CNTN1: variants seen among roughly 807,000 people sequenced by gnomAD.
CNTN1 encodes contactin 1, also known as contactin-1.
In CNTN1, 38 loss-of-function variants were observed where a neutral mutation model predicts 126.4. The ratio of observed to expected loss-of-function variants is 0.30; its 90% CI spans 0.23 to 0.39. CNTN1 has a LOEUF of 0.39. Ranked by LOEUF, CNTN1 falls within the 10% of genes least tolerant of loss-of-function variation. The probability of loss-of-function intolerance (pLI) is 1.00; values close to 1 mark genes in which losing one functional copy is unlikely to be tolerated. For missense variants in CNTN1, 1,009 were observed against 1,248.4 expected (o/e 0.81, Z 2.89); for synonymous variants, 413 against 422.6 (o/e 0.98, Z 0.28).
intron 1 of CNTN1, among the ~76,000 whole-genome samples, chr12:40,711,257 G>T (rs977864680): frequency 6.6e-6 from 1 of 151,786 alleles, no homozygotes; most frequent in Non-Finnish European, 1.5e-5. Context: ...CAAACTTTTG[G>T]GTTATGTTTC....
chr12:40,920,092 T>G (rs1230291257), intron 4 of CNTN1, among the ~76,000 whole-genome samples: 1 of 152,272 alleles, frequency 6.6e-6, no homozygotes, highest in African/African-American at 2.4e-5. Context: ...AGGTATGCAA[T>G]TTTTTCATTA....
intron 1 of CNTN1, among the ~76,000 whole-genome samples, chr12:40,881,944 T>C (rs1943883418): frequency 1.3e-5 from 2 of 151,836 alleles, no homozygotes; most frequent in Admixed American, 1.3e-4. Context: ...ATATGTTTAG[T>C]GATTTAATAT....
chr12:40,909,968 C>T, intron 2 of CNTN1, 105 bp from the exon 3 acceptor site: 1 of 831,754 alleles, frequency 1.2e-6, no homozygotes, highest in Non-Finnish European at 2.1e-6. Context: ...TAAAGGGCCA[C>T]TACTCTCATT....
intron 23 of CNTN1, among the ~76,000 whole-genome samples, chr12:41,068,679 T>C (rs774220611): frequency 4.7e-4 from 71 of 152,306 alleles, no homozygotes; most frequent in Non-Finnish European, 6.9e-4. Flanking sequence ...GAATGAGCTG[T>C]TTATGGTCAC....
At position 40,881,699 on chromosome 12, in the gene CNTN1, A is replaced by G. The variant is rs113063614; in HGVS notation, c.-76-26658A>G. ...GCTTTGCAGCTATTAGTTCAGTAAC[A>G]TTACATATAAAAGACTACCACACCC... On this transcript the variant is annotated intron_variant, in intron 1 of 23. Transcript: ENST00000551295. Among the ~76,000 whole-genome samples, 1,046 of 152,016 alleles carry G rather than the reference A, an allele frequency of 6.9e-3. 8 individuals carry two copies. Among genetic ancestry groups the G allele is most frequent in the African/African-American group, 0.02 (847 of 41,564 alleles).
chr12:40,961,987 T>G (rs959704536), intron 15 of CNTN1, among the ~76,000 whole-genome samples: 1 of 152,230 alleles, frequency 6.6e-6, no homozygotes, highest in East Asian at 1.9e-4. Flanking sequence ...ATTGGTAATC[T>G]GAACTGCAGC....
chr12:41,040,935 GAACTTCC>G (rs1400646612), intron 23 of CNTN1, among the ~76,000 whole-genome samples: 13 of 143,814 alleles, frequency 9.0e-5, no homozygotes, highest in Admixed American at 2.8e-4. Flanking sequence ...GCCCTGGCCA[GAACTTCC>G]AACACTATGT....
In CNTN1 at chr12:40,812,421, A is replaced by G. The variant is rs541155492; in HGVS notation, c.-76-95936A>G. 1.1e-4 allele frequency among the ~76,000 whole-genome samples: 17 copies of G among 152,174 alleles called. No individual in the cohort carries two copies. In the South Asian group the frequency reaches 3.5e-3, roughly 32 times the overall value. On this transcript the variant is annotated intron_variant, in intron 1 of 23. Coordinates refer to ENST00000551295, the MANE Select transcript of CNTN1 (RefSeq NM_001843.4). ...TGTCTATAGGTTATTTAAGAAACCT[A>G]TAGACAATGTTTCTGTTTATGTCTG... is the stretch of plus-strand genomic sequence containing the variant.
intron 1 of CNTN1, among the ~76,000 whole-genome samples, chr12:40,855,473 T>G (rs552607910): frequency 6.6e-6 from 1 of 152,100 alleles, no homozygotes; most frequent in Non-Finnish European, 1.5e-5. Context: ...ATTTTCATTC[T>G]CATGGATTTC....
At chr12:40,929,128 G>A (rs1945794290) in intron 6 of CNTN1, among the ~76,000 whole-genome samples, 1 of 151,948 alleles carries the variant, frequency 6.6e-6, no homozygotes, top group Non-Finnish European at 1.5e-5. Context: ...TATAGGAAAT[G>A]CAGCAAATTA....
intron 22 of CNTN1, 104 bp downstream of exon 22, chr12:41,028,073 C>T: frequency 1.2e-6 from 1 of 804,752 alleles, no homozygotes; most frequent in Non-Finnish European, 2.1e-6. Context: ...GCTCTGTCAC[C>T]CAGACCGGAG....
chr12:40,819,140 G>A (rs1442574425), intron 1 of CNTN1, among the ~76,000 whole-genome samples: 3 of 152,138 alleles, frequency 2.0e-5, no homozygotes, highest in East Asian at 3.9e-4. Context: ...TGACAACCCC[G>A]GTTGGAGGGT....
intron 1 of CNTN1, among the ~76,000 whole-genome samples, chr12:40,800,326 G>A (rs995100810): frequency 1.3e-5 from 2 of 151,878 alleles, no homozygotes; most frequent in Non-Finnish European, 2.9e-5. Context: ...CAGCAATGCA[G>A]AACTGTGAGT....
At chr12:40,966,869 A>G (rs890753816) in intron 15 of CNTN1, among the ~76,000 whole-genome samples, 5 of 152,122 alleles carry the variant, frequency 3.3e-5, no homozygotes, top group African/African-American at 1.2e-4. Flanking sequence ...GCTAATATAA[A>G]TTTAGATTTT....
chr12:40,732,651 A>G (rs1226403053), intron 1 of CNTN1, among the ~76,000 whole-genome samples: 1 of 152,028 alleles, frequency 6.6e-6, no homozygotes. Flanking sequence ...ATTTGCTCAG[A>G]AATCCTATTA....
chr12:40,722,991 C>T (rs1258198086), intron 1 of CNTN1, among the ~76,000 whole-genome samples: 2 of 152,030 alleles, frequency 1.3e-5, no homozygotes. Flanking sequence ...CTTTCACTCT[C>T]GCCTTACTAG....
At chr12:40,693,682 A>T (rs1591979130) in intron 1 of CNTN1, among the ~76,000 whole-genome samples, 1 of 152,270 alleles carries the variant, frequency 6.6e-6, no homozygotes, top group East Asian at 1.9e-4. Context: ...GCACATCTCC[A>T]AGGTGGAGCT....
chr12:40,725,597 A>C (rs1942332577), intron 1 of CNTN1, among the ~76,000 whole-genome samples: 1 of 152,112 alleles, frequency 6.6e-6, no homozygotes, highest in East Asian at 1.9e-4. Flanking sequence ...TAAGGAAGAT[A>C]GTGCCCCTAC....
chr12:40,785,710 G>T (rs1446248069), intron 1 of CNTN1, among the ~76,000 whole-genome samples: 2 of 152,246 alleles, frequency 1.3e-5, no homozygotes, highest in African/African-American at 4.8e-5. Flanking sequence ...AAATTACAAT[G>T]GTGGAATGTC....
Sources: allele counts gnomAD v4.1 joint callset (sites outside exome capture counted in the v4.1 genomes callset), GRCh38; gene constraint gnomAD v4.1.1; transcripts MANE v1.5; gene names NCBI Gene and HGNC (gene_info 2026-07-23, HGNC 2026-07-21).